The following SWAP70 variants were observed in gnomAD, a reference collection of about 807,000 sequenced individuals.
SWAP70 encodes switch-associated protein 70.
In SWAP70, 34 loss-of-function variants were observed where a neutral mutation model predicts 80.2. The ratio of observed to expected loss-of-function variants is 0.42; its 90% CI spans 0.32 to 0.56. The LOEUF is 0.56. Among genes scored for constraint, SWAP70 ranks in the 20% least tolerant of loss-of-function variants. The probability of loss-of-function intolerance (pLI) is 0.09; values close to 1 mark genes in which losing one functional copy is unlikely to be tolerated. For synonymous variants in SWAP70, 239 were observed against 238.5 expected (o/e 1.00, Z -0.02); for missense variants, 578 against 690.7 (o/e 0.84, Z 1.83).
intron 1 of SWAP70, among the ~76,000 whole-genome samples, chr11:9,666,969 C>T (rs536009788): frequency 1.3e-5 from 2 of 152,136 alleles, no homozygotes; most frequent in Admixed American, 6.5e-5. Context: ...GTGATCTGCC[C>T]GCCTTGGCCC....
rs1246585883 is a variant in SWAP70 at position 9,738,379 on chromosome 11, C to G, written c.1188+59C>G. On this transcript the variant is annotated intron_variant, in intron 8 of 11. Transcript: ENST00000318950. ...GTAGCTCAGCCTGGGTCGGTGGGAA[C>G]AGGGAAGGGCTGGAGGCTACAGTGA... is the stretch of plus-strand genomic sequence containing the variant. 8 of 1,305,710 alleles carry G rather than the reference C, an allele frequency of 6.1e-6. No individual in the cohort carries two copies. In the African/African-American group the frequency reaches 7.5e-5, roughly 12 times the overall value. The allele number at this position is 1,305,710 out of a possible 1,614,324, so 80.9% of individuals were successfully genotyped here. A position where few individuals can be genotyped will look rare whatever the true frequency, so the allele number is the denominator to read the frequency against.
chr11:9,715,099 T>C (rs1851049757), intron 3 of SWAP70, among the ~76,000 whole-genome samples: 1 of 151,208 alleles, frequency 6.6e-6, no homozygotes, highest in African/African-American at 2.4e-5. Flanking sequence ...CTCAGCCTAC[T>C]GAGTAGCTGG....
rs796743615 is a variant in SWAP70 at position 9,750,658 on chromosome 11, T to C, written c.*688T>C. ...ACTGCCACTGGGTACTCAGAACCTC[T>C]GTGGACTGGATGTCAGCTCTTTCCT... On this transcript the variant is annotated 3_prime_UTR_variant, in exon 12 of 12. Transcript: ENST00000318950. 5.2e-5 allele frequency: 8 copies of C among 152,456 alleles called. 1 individual carries two copies. Among genetic ancestry groups the C allele is most frequent in the African/African-American group, 1.9e-4 (8 of 41,598 alleles). The allele number at this position is 152,456 out of a possible 1,614,324, so 9.4% of individuals were successfully genotyped here. A position where few individuals can be genotyped will look rare whatever the true frequency, so the allele number is the denominator to read the frequency against.
chr11:9,688,883 C>T (rs936291963), intron 1 of SWAP70, among the ~76,000 whole-genome samples: 2 of 152,056 alleles, frequency 1.3e-5, no homozygotes, highest in African/African-American at 4.8e-5. Context: ...GTAGACAATG[C>T]TTTTAAGGCA....
At position 9,713,536 on chromosome 11, in the gene SWAP70, C is replaced by G. The variant is rs1481774092; in HGVS notation, c.311C>G (p.Thr104Arg). The G allele has an allele frequency of 1.9e-6, 3 of 1,613,976 alleles. No individual in the cohort carries two copies. Among genetic ancestry groups the G allele is most frequent in the African/African-American group, 1.3e-5 (1 of 75,030 alleles). Reference sequence around the variant, plus strand: ...ACCCTCTGTGTCAAAAAAAACCTCACAAAGAATCCCCTGCTCATTACAGAA... The same window carrying G: ...ACCCTCTGTGTCAAAAAAAACCTCAGAAAGAATCCCCTGCTCATTACAGAA... ...CWTLCVKKNL[T>R]KNPLLITEED... Residue 104 changes from threonine (T) to arginine (R), a missense_variant, in exon 3 of 12, where the codon ACA becomes AGA. Transcript: ENST00000318950.
At chr11:9,739,218 A>G (rs1431651231) in intron 8 of SWAP70, among the ~76,000 whole-genome samples, 1 of 152,224 alleles carries the variant, frequency 6.6e-6, no homozygotes, top group African/African-American at 2.4e-5. Flanking sequence ...GGTTAGCTGG[A>G]ACACAGGTCT....
chr11:9,682,659 A>G (rs1018608290), intron 1 of SWAP70, among the ~76,000 whole-genome samples: 3 of 152,162 alleles, frequency 2.0e-5, no homozygotes, highest in Non-Finnish European at 4.4e-5. Context: ...ATAAACACAG[A>G]ATGTCTTGTC....
At chr11:9,665,323 C>T (rs1427439581) in intron 1 of SWAP70, among the ~76,000 whole-genome samples, 2 of 152,162 alleles carry the variant, frequency 1.3e-5, no homozygotes, top group Admixed American at 6.6e-5. Flanking sequence ...TTTGCCTCTC[C>T]TTTCTTTTTC....
At chr11:9,740,074 C>G (rs1190352195) in intron 8 of SWAP70, 107 bp from the exon 9 acceptor site, 1 of 975,326 alleles carries the variant, frequency 1.0e-6, no homozygotes, top group Non-Finnish European at 1.5e-6. Flanking sequence ...GTCCTGCCAC[C>G]CTGATGGGCT....
chr11:9,714,515 A>G (rs1434575140), intron 3 of SWAP70, among the ~76,000 whole-genome samples: 1 of 152,234 alleles, frequency 6.6e-6, no homozygotes, highest in Non-Finnish European at 1.5e-5. Context: ...ATAAACTTCC[A>G]GCAGTGGAAT....
At chr11:9,704,071 G>T (rs772786625) in intron 2 of SWAP70, among the ~76,000 whole-genome samples, 1 of 152,148 alleles carries the variant, frequency 6.6e-6, no homozygotes, top group Non-Finnish European at 1.5e-5. Flanking sequence ...AAATAGTTGT[G>T]AATGTATTTA....
At chr11:9,746,303 G>A (rs535859403) in intron 9 of SWAP70, among the ~76,000 whole-genome samples, 1 of 152,280 alleles carries the variant, frequency 6.6e-6, no homozygotes, top group Admixed American at 6.5e-5. Flanking sequence ...CTAGACACAT[G>A]AAGGAGTTCA....
intron 4 of SWAP70, among the ~76,000 whole-genome samples, chr11:9,726,456 T>G (rs1052783093): frequency 6.6e-6 from 1 of 152,230 alleles, no homozygotes; most frequent in African/African-American, 2.4e-5. Context: ...GTATAGGTTT[T>G]TGGTGCTACA....
intron 5 of SWAP70, 75 bp downstream of exon 5, chr11:9,728,274 C>A: frequency 1.5e-6 from 2 of 1,376,774 alleles, no homozygotes; most frequent in East Asian, 2.6e-5. Context: ...TCACCTTCTT[C>A]CACCTAGACT....
intron 9 of SWAP70, among the ~76,000 whole-genome samples, chr11:9,742,835 T>A (rs980785628): frequency 6.6e-6 from 1 of 151,602 alleles, no homozygotes; most frequent in Admixed American, 6.6e-5. Context: ...GCACATAATC[T>A]TACGCCAAGG....
At chr11:9,718,890 G>A (rs476163) in intron 3 of SWAP70, among the ~76,000 whole-genome samples, 48,111 of 151,466 alleles carry the variant, frequency 0.32, 7,887 homozygotes, top group Non-Finnish European at 0.34. Flanking sequence ...GCTTGAGCTG[G>A]GGAGTTTGAG....
chr11:9,683,715 G>A (rs4910488), intron 1 of SWAP70, among the ~76,000 whole-genome samples: 29,023 of 152,072 alleles, frequency 0.19, 3,553 homozygotes, highest in Non-Finnish European at 0.27. Context: ...GCCCCTTATG[G>A]GACTCCCACA....
At chr11:9,699,851 C>T (rs560188065) in intron 2 of SWAP70, among the ~76,000 whole-genome samples, 7 of 134,508 alleles carry the variant, frequency 5.2e-5, no homozygotes, top group Non-Finnish European at 1.1e-4. Context: ...CTGTGTCACC[C>T]AGGCTGTATA....
chr11:9,695,922 A>G lies in SWAP70; in HGVS notation c.240+1636A>G, dbSNP rs538634872. Reference sequence around the variant, plus strand: ...GGTGACCCTCCTACCTCAGATTCCCATTATTGGGACTGCAGACGTACACCA... The same window carrying G: ...GGTGACCCTCCTACCTCAGATTCCCGTTATTGGGACTGCAGACGTACACCA... On this transcript the variant is annotated intron_variant, in intron 2 of 11. Coordinates refer to ENST00000318950, the MANE Select transcript of SWAP70 (RefSeq NM_015055.4). Among the ~76,000 whole-genome samples the G allele has an allele frequency of 4.6e-5, 7 of 151,810 alleles. No individual in the cohort carries two copies. The South Asian group carries it at 8.4e-4, about 18-fold the overall frequency.
Sources: allele counts gnomAD v4.1 joint callset (sites outside exome capture counted in the v4.1 genomes callset), GRCh38; gene constraint gnomAD v4.1.1; transcripts MANE v1.5; gene names NCBI Gene and HGNC (gene_info 2026-07-23, HGNC 2026-07-21).